FGGY: variants seen among roughly 807,000 people sequenced by gnomAD.
FGGY encodes the protein FGGY carbohydrate kinase domain containing, also known as FGGY carbohydrate kinase domain-containing protein.
FGGY carries 72 observed loss-of-function variants against 71.3 expected under a neutral mutation model. The observed-to-expected ratio is 1.01, with a 90% CI of 0.84 to 1.23. The LOEUF is 1.23. Among genes scored for constraint, FGGY ranks in the 50% most tolerant of loss-of-function variants. The probability of loss-of-function intolerance (pLI) is 0.00; values close to 1 mark genes in which losing one functional copy is unlikely to be tolerated. For synonymous variants in FGGY, 251 were observed against 250.3 expected, an observed-to-expected ratio of 1.00 and a Z score of -0.02; for missense variants, 668 against 682.3, an observed-to-expected ratio of 0.98 and a Z score of 0.23.
intron 2 of FGGY, among the ~76,000 whole-genome samples, chr1:59,337,306 G>A (rs1211822647): frequency 2.0e-5 from 3 of 152,098 alleles, no homozygotes; most frequent in Non-Finnish European, 2.9e-5. Flanking sequence ...GGAGTCTGAT[G>A]TCTAAGGGCA....
At chr1:59,612,516 C>T (rs1352595824) in intron 9 of FGGY, among the ~76,000 whole-genome samples, 1 of 152,140 alleles carries the variant, frequency 6.6e-6, no homozygotes, top group Non-Finnish European at 1.5e-5. Flanking sequence ...TGGAAAGGAA[C>T]AACTGGTACC....
At chr1:59,473,309 C>G (rs995774788) in intron 6 of FGGY, among the ~76,000 whole-genome samples, 2 of 152,022 alleles carry the variant, frequency 1.3e-5, no homozygotes, top group African/African-American at 2.4e-5. Context: ...CGAAGGTCCG[C>G]AGCTTCACTC....
At chr1:59,311,996 G>A (rs1490081447) in intron 1 of FGGY, among the ~76,000 whole-genome samples, 2 of 152,244 alleles carry the variant, frequency 1.3e-5, no homozygotes, top group African/African-American at 4.8e-5. Flanking sequence ...TTTCTCTAAT[G>A]ATCAGTGATG....
At chr1:59,571,392 G>A (rs1454217173) in intron 8 of FGGY, among the ~76,000 whole-genome samples, 1 of 152,186 alleles carries the variant, frequency 6.6e-6, no homozygotes, top group Non-Finnish European at 1.5e-5. Flanking sequence ...GACCTAGACT[G>A]TACAGTGTAG....
chr1:59,306,156 G>T (rs1033770694), intron 1 of FGGY, among the ~76,000 whole-genome samples: 2 of 152,144 alleles, frequency 1.3e-5, no homozygotes, highest in Non-Finnish European at 2.9e-5. Flanking sequence ...TTTTAAGCAG[G>T]GAGGTAAATA....
chr1:59,523,639 G>C (rs1416892339), intron 7 of FGGY, among the ~76,000 whole-genome samples: 1 of 152,126 alleles, frequency 6.6e-6, no homozygotes, highest in Non-Finnish European at 1.5e-5. Context: ...AATCATACTA[G>C]TCTCCAGTTA....
chr1:59,613,843 ACT>A (rs2096718941), intron 9 of FGGY, among the ~76,000 whole-genome samples: 1 of 152,216 alleles, frequency 6.6e-6, no homozygotes, highest in Non-Finnish European at 1.5e-5. Context: ...AGAAATACAA[ACT>A]ACCATCAGAG....
At chr1:59,433,426 A>G (rs2067788839) in intron 5 of FGGY, among the ~76,000 whole-genome samples, 1 of 152,024 alleles carries the variant, frequency 6.6e-6, no homozygotes, top group South Asian at 2.1e-4. Flanking sequence ...ATGATGATGT[A>G]TTTTCCAGGC....
At chr1:59,688,116 C>T (rs912770343) in intron 14 of FGGY, among the ~76,000 whole-genome samples, 1 of 152,194 alleles carries the variant, frequency 6.6e-6, no homozygotes, top group Admixed American at 6.5e-5. Context: ...TAGCTTACCC[C>T]CTCTCTGAGG....
chr1:59,309,231 G>A (rs746309252), intron 1 of FGGY, among the ~76,000 whole-genome samples: 1 of 152,058 alleles, frequency 6.6e-6, no homozygotes, highest in Non-Finnish European at 1.5e-5. Context: ...TCCAGTTCCT[G>A]TTTGTTAGGT....
intron 7 of FGGY, among the ~76,000 whole-genome samples, chr1:59,552,645 C>A (rs2095626316): frequency 6.6e-6 from 1 of 152,140 alleles, no homozygotes; most frequent in African/African-American, 2.4e-5. Context: ...CTAACTTCTG[C>A]AGAATTGAGT....
intron 5 of FGGY, among the ~76,000 whole-genome samples, chr1:59,428,606 T>C (rs1002843220): frequency 1.3e-5 from 2 of 152,262 alleles, no homozygotes; most frequent in Non-Finnish European, 2.9e-5. Flanking sequence ...TGGGTCAGTT[T>C]GTCTAACTCT....
intron 4 of FGGY, among the ~76,000 whole-genome samples, chr1:59,372,274 C>T (rs1184070746): frequency 6.6e-6 from 1 of 152,244 alleles, no homozygotes; most frequent in South Asian, 2.1e-4. Context: ...GAGAATACTA[C>T]AAACACCTCT....
At chr1:59,356,065 C>T (rs975790684) in intron 4 of FGGY, among the ~76,000 whole-genome samples, 20 of 152,002 alleles carry the variant, frequency 1.3e-4, no homozygotes, top group Non-Finnish European at 7.4e-5. Context: ...CAGAAGGGAA[C>T]GGCTGGAGCT....
chr1:59,463,711 A>C (rs576290618), intron 6 of FGGY, among the ~76,000 whole-genome samples: 31 of 151,910 alleles, frequency 2.0e-4, no homozygotes, highest in Admixed American at 2.6e-4. Context: ...CAGGGGTTGC[A>C]ATCCTTGTCT....
chr1:59,647,486 C>G (rs2153912083), intron 11 of FGGY, among the ~76,000 whole-genome samples: 1 of 152,260 alleles, frequency 6.6e-6, no homozygotes, highest in East Asian at 1.9e-4. Flanking sequence ...TCTTACAGTT[C>G]TTCAGGTCAG....
chr1:59,457,082 A>C lies in FGGY; in HGVS notation c.670+6A>C, dbSNP rs772420292. On this transcript the variant is annotated splice_donor_region_variant and intron_variant, in intron 6 of 15. Transcript: ENST00000303721. Reference sequence around the variant, plus strand: ...AGATAATTACAGCAAAATAGGTAAAAGAATAAAACATCTGTAGAGTGATTA... The same window carrying C: ...AGATAATTACAGCAAAATAGGTAAACGAATAAAACATCTGTAGAGTGATTA... 6 of 1,574,366 alleles carry C rather than the reference A, an allele frequency of 3.8e-6. No individual in the cohort carries two copies. The Admixed American group carries it at 1.0e-4, about 26-fold the overall frequency.
chr1:59,339,867 A>T, intron 2 of FGGY, 91 bp from the exon 3 acceptor site: 1 of 706,244 alleles, frequency 1.4e-6, no homozygotes, highest in African/African-American at 1.8e-5. Context: ...ATTTTTTTCT[A>T]TTCTGTCATT....
At chr1:59,330,328 T>C (rs1290405858) in intron 2 of FGGY, among the ~76,000 whole-genome samples, 2 of 151,966 alleles carry the variant, frequency 1.3e-5, no homozygotes, top group East Asian at 3.9e-4. Flanking sequence ...GAGAGCACTT[T>C]GGGAGGCCCA....
Sources: gnomAD v4.1 joint callset for allele counts (sites outside exome capture counted in the v4.1 genomes callset) on GRCh38, gnomAD v4.1.1 for gene constraint, MANE v1.5 for transcripts, NCBI Gene and HGNC (gene_info 2026-07-23, HGNC 2026-07-21) for gene names.